PPP1R14C: variants seen among roughly 807,000 people sequenced by gnomAD.
The protein encoded by PPP1R14C is protein phosphatase 1 regulatory inhibitor subunit 14C, also known as protein phosphatase 1 regulatory subunit 14C.
Under a neutral mutation model 20.4 loss-of-function variants are expected in PPP1R14C, and 16 were observed. The observed-to-expected ratio is 0.78, with a 90% CI of 0.53 to 1.19. The LOEUF (loss-of-function observed/expected upper bound fraction) is 1.19, where lower values mean the gene tolerates loss of function less well. Among genes scored for constraint, PPP1R14C ranks in the 50% most tolerant of loss-of-function variants. The probability of loss-of-function intolerance (pLI) is 0.00; values close to 1 mark genes in which losing one functional copy is unlikely to be tolerated. For missense variants in PPP1R14C, 211 were observed against 220.1 expected (o/e 0.96, Z 0.26); for synonymous variants, 91 against 91.0 (o/e 1.00, Z 0.00).
intron 1 of PPP1R14C, among the ~76,000 whole-genome samples, chr6:150,166,097 C>T (rs574038715): frequency 1.7e-4 from 25 of 149,376 alleles, no homozygotes; most frequent in Admixed American, 1.0e-3. Flanking sequence ...TTTTTTGAGA[C>T]GGAGTCTGAG....
At chr6:150,181,144 G>A in intron 1 of PPP1R14C, among the ~76,000 whole-genome samples, 1 of 152,150 alleles carries the variant, frequency 6.6e-6, no homozygotes, top group East Asian at 1.9e-4. Context: ...TAGTGGCTGG[G>A]AGCTTCAGGT....
At chr6:150,145,057 G>A (rs540674711) in intron 1 of PPP1R14C, among the ~76,000 whole-genome samples, 1 of 152,074 alleles carries the variant, frequency 6.6e-6, no homozygotes, top group East Asian at 1.9e-4. Flanking sequence ...AAGCATTGTT[G>A]AAATTAACAG....
intron 1 of PPP1R14C, among the ~76,000 whole-genome samples, chr6:150,151,906 G>A (rs998375559): frequency 9.9e-5 from 15 of 151,998 alleles, no homozygotes; most frequent in South Asian, 2.1e-4. Context: ...GGATCACGAG[G>A]TCAGGAGATC....
chr6:150,190,738 G>A (rs114933797), intron 1 of PPP1R14C, among the ~76,000 whole-genome samples: 2,586 of 152,200 alleles, frequency 0.017, 53 homozygotes, highest in African/African-American at 0.051. Flanking sequence ...TTTGCATTCT[G>A]TAGTCAATTT....
At chr6:150,166,303 A>G (rs180861168) in intron 1 of PPP1R14C, among the ~76,000 whole-genome samples, 2,503 of 152,004 alleles carry the variant, frequency 0.016, 83 homozygotes, top group African/African-American at 0.057. Flanking sequence ...GATGGTCTCG[A>G]TCTCCTGACC....
intron 1 of PPP1R14C, among the ~76,000 whole-genome samples, chr6:150,163,321 G>T (rs1463074971): frequency 1.3e-5 from 2 of 152,186 alleles, no homozygotes; most frequent in African/African-American, 4.8e-5. Context: ...AACCTGGGAG[G>T]CGGAGATTGC....
At chr6:150,149,317 G>GTGTGTGTGTA (rs918222181) in intron 1 of PPP1R14C, among the ~76,000 whole-genome samples, 7 of 151,434 alleles carry the variant, frequency 4.6e-5, no homozygotes, top group African/African-American at 1.7e-4. Flanking sequence ...GTGTGTGTGT[G>GTGTGTGTGTA]TGTGTGTATG....
At chr6:150,235,049 A>G (rs1778341558) in intron 3 of PPP1R14C, among the ~76,000 whole-genome samples, 1 of 152,124 alleles carries the variant, frequency 6.6e-6, no homozygotes, top group Non-Finnish European at 1.5e-5. Flanking sequence ...TGAGCTCTAA[A>G]TGGGAATAAG....
chr6:150,230,026 G>A (rs1156687875), intron 3 of PPP1R14C, among the ~76,000 whole-genome samples: 4 of 152,186 alleles, frequency 2.6e-5, no homozygotes, highest in Admixed American at 1.3e-4. Context: ...GAGCTCATCA[G>A]TACTGATTCA....
intron 1 of PPP1R14C, among the ~76,000 whole-genome samples, chr6:150,173,028 T>C (rs1777516338): frequency 6.6e-6 from 1 of 152,148 alleles, no homozygotes; most frequent in Non-Finnish European, 1.5e-5. Context: ...CCTGGAGTTT[T>C]TTTTGTGTTT....
intron 1 of PPP1R14C, among the ~76,000 whole-genome samples, chr6:150,176,223 C>G (rs1777560886): frequency 1.3e-5 from 2 of 152,234 alleles, no homozygotes; most frequent in Admixed American, 1.3e-4. Flanking sequence ...GCCAGCCCTA[C>G]TGGCTATCTG....
chr6:150,153,798 C>G (rs1464913807), intron 1 of PPP1R14C, among the ~76,000 whole-genome samples: 1 of 152,178 alleles, frequency 6.6e-6, no homozygotes, highest in Non-Finnish European at 1.5e-5. Context: ...GATTAAGAAA[C>G]AGCTTCTTCA....
intron 1 of PPP1R14C, among the ~76,000 whole-genome samples, chr6:150,172,078 G>T (rs753826297): frequency 6.6e-6 from 1 of 152,164 alleles, no homozygotes; most frequent in Non-Finnish European, 1.5e-5. Context: ...AAAGTGCTGG[G>T]ATTACAGGTG....
Position 150,143,139 on chromosome 6 carries a change from C to A in PPP1R14C, c.-54C>A. ...GGCCGGAGGTGGTAGCGGCGCCGGG[C>A]GCGCTCCGCCCGCCCCTCCTCCGGG... On this transcript the variant is annotated 5_prime_UTR_variant, in exon 1 of 4. Transcript: ENST00000361131. The surrounding 1 kb of genome is among the most constrained non-coding windows in gnomAD (Gnocchi z 5.6). The A allele has an allele frequency of 8.4e-7, 1 of 1,190,414 alleles. No homozygotes were observed. The highest frequency in any genetic ancestry group is 1.0e-6 in the Non-Finnish European group (1 of 964,106). 73.7% of individuals were successfully genotyped at this position (1,190,414 alleles called of 1,614,324 possible). A position where few individuals can be genotyped will look rare whatever the true frequency, so the allele number is the denominator to read the frequency against.
chr6:150,235,466 A>C (rs533626527), intron 3 of PPP1R14C, among the ~76,000 whole-genome samples: 86 of 152,346 alleles, frequency 5.6e-4, no homozygotes, highest in African/African-American at 2.0e-3. Context: ...TCAGTGATAC[A>C]CTTGAAATAG....
Position 150,220,241 on chromosome 6 carries a change from G to A in PPP1R14C, c.423+3385G>A, listed in dbSNP as rs116968044. ...CTTCTGAATCTGTTATGTGTGGAAGGGGATGGCTCCTCAAAAATGTCAATG... is the reference window on the plus strand; with the variant it reads ...CTTCTGAATCTGTTATGTGTGGAAGAGGATGGCTCCTCAAAAATGTCAATG... On this transcript the variant is annotated intron_variant, in intron 3 of 3. Transcript: ENST00000361131. 2.0e-3 allele frequency among the ~76,000 whole-genome samples: 304 copies of A among 152,290 alleles called. 8 individuals carry two copies. The East Asian group carries it at 0.054, about 27-fold the overall frequency.
chr6:150,176,322 A>G lies in PPP1R14C; in HGVS notation c.306+32824A>G, dbSNP rs572312207. 5.9e-5 allele frequency among the ~76,000 whole-genome samples: 9 copies of G among 152,210 alleles called. No individual in the cohort carries two copies. In the South Asian group the frequency reaches 1.9e-3, roughly 32 times the overall value. On this transcript the variant is annotated intron_variant, in intron 1 of 3. Coordinates refer to ENST00000361131, the MANE Select transcript of PPP1R14C (RefSeq NM_030949.3). ...ACCAAGCTGGGAATTGCTTCTAACA[A>G]TCGAGTTGGAGGCGGGGTGCCCGTG...
Position 150,143,618 on chromosome 6 carries a change from C to A in PPP1R14C, c.306+120C>A. 1 of 735,468 alleles carries A rather than the reference C, an allele frequency of 1.4e-6. No homozygotes were observed. The highest frequency in any genetic ancestry group is 2.1e-6 in the Non-Finnish European group (1 of 466,842). The allele number at this position is 735,468 out of a possible 1,614,324, so 45.6% of individuals were successfully genotyped here. A position where few individuals can be genotyped will look rare whatever the true frequency, so the allele number is the denominator to read the frequency against. ...GTCCCTGACTCCCGGGGACCAAGTG[C>A]CAGGAGCGAGGCGCGGCGCCTTCTC... On this transcript the variant is annotated intron_variant, in intron 1 of 3. Coordinates refer to ENST00000361131, the MANE Select transcript of PPP1R14C (RefSeq NM_030949.3). This position sits in a 1 kb window ranked among gnomAD's most constrained non-coding sequence, Gnocchi z 5.6.
At chr6:150,157,264 T>G (rs929797230) in intron 1 of PPP1R14C, among the ~76,000 whole-genome samples, 8 of 152,230 alleles carry the variant, frequency 5.3e-5, no homozygotes, top group African/African-American at 1.9e-4. Flanking sequence ...TGAGAGAGTG[T>G]GGTCTATACA....
Sources: allele counts gnomAD v4.1 joint callset (sites outside exome capture counted in the v4.1 genomes callset), GRCh38; gene constraint gnomAD v4.1.1; non-coding constraint Gnocchi (gnomAD v3.1); transcripts MANE v1.5; gene names NCBI Gene and HGNC (gene_info 2026-07-23, HGNC 2026-07-21).